ESR1: variants seen among roughly 807,000 people sequenced by gnomAD.
The protein encoded by ESR1 is estrogen receptor.
In ESR1, 12 loss-of-function variants were observed where a neutral mutation model predicts 52.7. The observed-to-expected ratio is 0.23, with a 90% CI of 0.15 to 0.37. The LOEUF (loss-of-function observed/expected upper bound fraction) is 0.37. Ranked by LOEUF, ESR1 falls within the 10% of genes least tolerant of loss-of-function variation. The pLI is 1.00. For synonymous variants in ESR1, 305 were observed against 316.8 expected, an observed-to-expected ratio of 0.96 and a Z score of 0.39; for missense variants, 584 against 779.7, an observed-to-expected ratio of 0.75 and a Z score of 2.99.
At chr6:151,687,813 T>G (rs1425858134), upstream of ESR1, among the ~76,000 whole-genome samples, 10 of 152,206 alleles carry the variant, frequency 6.6e-5, no homozygotes, top group South Asian at 8.3e-4. Flanking sequence ...TTGACCCTCT[T>G]TTTTTAAAAA....
intron 2 of ESR1, among the ~76,000 whole-genome samples, chr6:151,866,218 G>A (rs1221661454): frequency 6.6e-6 from 1 of 152,152 alleles, no homozygotes; most frequent in Non-Finnish European, 1.5e-5. Context: ...TTCTTCTTAT[G>A]CATAGATTGT....
At chr6:152,103,949 A>C (rs2051028768), downstream of ESR1, among the ~76,000 whole-genome samples, 1 of 148,550 alleles carries the variant, frequency 6.7e-6, no homozygotes, top group African/African-American at 2.5e-5. Flanking sequence ...CAGGCTCTGC[A>C]GCTAGATTAC....
intron 5 of ESR1, among the ~76,000 whole-genome samples, chr6:152,032,919 C>T (rs2044862479): frequency 1.3e-5 from 2 of 152,184 alleles, no homozygotes. Flanking sequence ...ACGAAAACAG[C>T]ATGGTACTGG....
chr6:151,844,657 C>T (rs1345072645), intron 2 of ESR1, among the ~76,000 whole-genome samples: 4 of 152,098 alleles, frequency 2.6e-5, no homozygotes, highest in Admixed American at 6.6e-5. Flanking sequence ...CAGCCCTGGC[C>T]CGTGGCCGAT....
chr6:151,981,298 G>A lies in ESR1; in HGVS notation c.1097-30358G>A, dbSNP rs554317284. Among the ~76,000 whole-genome samples, 190 of 152,196 alleles carry A rather than the reference G, an allele frequency of 1.2e-3. 1 individual carries two copies. Among genetic ancestry groups the A allele is most frequent in the African/African-American group, 4.3e-3 (177 of 41,524 alleles). On this transcript the variant is annotated intron_variant, in intron 4 of 7. Coordinates refer to ENST00000206249, the MANE Select transcript of ESR1 (RefSeq NM_000125.4). Reference sequence around the variant, plus strand: ...CTCATTTTCAAGGGTGGGTCTGAAAGGAAAGAAATAATAAAACCAGAGATC... The same window carrying A: ...CTCATTTTCAAGGGTGGGTCTGAAAAGAAAGAAATAATAAAACCAGAGATC...
intron 2 of ESR1, among the ~76,000 whole-genome samples, chr6:151,720,506 T>C (rs1200411121): frequency 6.6e-6 from 1 of 152,228 alleles, no homozygotes; most frequent in African/African-American, 2.4e-5. Context: ...GCTGCAAACT[T>C]TGTGCTTCTT....
intron 6 of ESR1, among the ~76,000 whole-genome samples, chr6:152,110,517 G>C (rs1399235059): frequency 6.6e-6 from 1 of 151,996 alleles, no homozygotes; most frequent in African/African-American, 2.4e-5. Context: ...CACATACTGG[G>C]GCCTATCGGG....
At chr6:151,766,412 C>T (rs772444647) in intron 2 of ESR1, among the ~76,000 whole-genome samples, 5 of 151,922 alleles carry the variant, frequency 3.3e-5, no homozygotes, top group Admixed American at 1.3e-4. Flanking sequence ...GCCTGGGAAG[C>T]GGAGGTTGCA....
intron 6 of ESR1, among the ~76,000 whole-genome samples, chr6:152,108,585 T>C (rs1044590470): frequency 3.3e-5 from 5 of 152,206 alleles, no homozygotes; most frequent in African/African-American, 1.2e-4. Context: ...ATTTCTCTTA[T>C]CAGAACACCA....
chr6:151,727,208 C>CTT (rs1335196022), intron 2 of ESR1, among the ~76,000 whole-genome samples: 1 of 145,550 alleles, frequency 6.9e-6, no homozygotes. Flanking sequence ...ATTTTCTTTT[C>CTT]TTTTTTTTTT....
intron 4 of ESR1, among the ~76,000 whole-genome samples, chr6:151,949,920 G>A (rs2036144704): frequency 6.6e-6 from 1 of 152,192 alleles, no homozygotes; most frequent in South Asian, 2.1e-4. Flanking sequence ...TGAGTGATAT[G>A]GTTTGCCTGT....
chr6:151,964,766 C>T (rs574059546), intron 4 of ESR1, among the ~76,000 whole-genome samples: 2 of 152,062 alleles, frequency 1.3e-5, no homozygotes, highest in South Asian at 4.2e-4. Context: ...CTCAGCCTCC[C>T]GTGTAGCTGG....
At chr6:152,031,571 C>G (rs541917909) in intron 5 of ESR1, among the ~76,000 whole-genome samples, 10 of 152,270 alleles carry the variant, frequency 6.6e-5, no homozygotes, top group Admixed American at 6.5e-4. Context: ...CACATACACC[C>G]TCCCAAGACT....
chr6:152,059,058 A>G (rs891459070), intron 5 of ESR1, among the ~76,000 whole-genome samples: 2 of 152,176 alleles, frequency 1.3e-5, no homozygotes, highest in African/African-American at 4.8e-5. Context: ...AAAAATATTA[A>G]TTGGATCTTT....
At chr6:152,003,340 A>ATGTGTG (rs60787638) in intron 4 of ESR1, among the ~76,000 whole-genome samples, 5,402 of 145,600 alleles carry the variant, frequency 0.037, 120 homozygotes, top group African/African-American at 0.069. Context: ...AAGGGTAATT[A>ATGTGTG]TGTGTGTGTG....
At chr6:151,685,235 G>A (rs1013568057) in intron 1 of ESR1, among the ~76,000 whole-genome samples, 3 of 145,222 alleles carry the variant, frequency 2.1e-5, no homozygotes, top group South Asian at 2.2e-4. Context: ...CCGGGTTCAC[G>A]CCATTCTCCT....
intron 1 of ESR1, among the ~76,000 whole-genome samples, chr6:151,676,370 T>C (rs937934896): frequency 6.6e-6 from 1 of 152,190 alleles, no homozygotes; most frequent in Non-Finnish European, 1.5e-5. Flanking sequence ...GAACAAATAC[T>C]GAAATGAATG....
At chr6:151,765,384 T>C (rs1784970998) in intron 2 of ESR1, among the ~76,000 whole-genome samples, 1 of 152,218 alleles carries the variant, frequency 6.6e-6, no homozygotes, top group African/African-American at 2.4e-5. Context: ...TAAAATGAAA[T>C]GAAAATTTAG....
intron 2 of ESR1, among the ~76,000 whole-genome samples, chr6:151,708,282 G>T (rs1014349562): frequency 6.6e-6 from 1 of 152,084 alleles, no homozygotes; most frequent in East Asian, 1.9e-4. Context: ...GTAGTTGCAT[G>T]CAGTATAAAT....
Sources: gnomAD v4.1 joint callset for allele counts (sites outside exome capture counted in the v4.1 genomes callset) on GRCh38, gnomAD v4.1.1 for gene constraint, MANE v1.5 for transcripts, NCBI Gene and HGNC (gene_info 2026-07-23, HGNC 2026-07-21) for gene names.